Variants in ZNFX1 observed in about 807,000 individuals in gnomAD.
The protein encoded by ZNFX1 is NFX1-type zinc finger-containing protein 1.
Under a neutral mutation model 179.8 loss-of-function variants are expected in ZNFX1, and 78 were observed. The observed-to-expected ratio is 0.43, with a 90% CI of 0.36 to 0.52. The LOEUF is 0.52. Among genes scored for constraint, ZNFX1 ranks in the 20% least tolerant of loss-of-function variants. The pLI is 0.00. For synonymous variants in ZNFX1, 848 were observed against 868.5 expected (o/e 0.98, Z 0.42); for missense variants, 1,927 against 2,386.6 (o/e 0.81, Z 4.01).
In ZNFX1 at chr20:49,264,842, G is replaced by C; in HGVS notation, c.2025C>G (p.Thr675=). The C allele has an allele frequency of 6.2e-7, 1 of 1,614,134 alleles. No homozygotes were observed. Among genetic ancestry groups the C allele is most frequent in the South Asian group, 1.1e-5 (1 of 91,076 alleles). ...FLEGIYNCQK[T]SIVRVGGRSN... The stretch of plus-strand genomic sequence containing the variant: ...TCCTTCCACCCACCCGCACAATGCT[G>C]GTCTTCTGACAATTGTAGATGCCTG... The change falls in exon 5 of 14, where the codon ACC becomes ACG. Residue 675 remains threonine, a synonymous_variant. Coordinates refer to ENST00000396105, the MANE Select transcript of ZNFX1 (RefSeq NM_021035.3).
chr20:49,266,071 T>C, intron 4 of ZNFX1, 64 bp downstream of exon 4: 2 of 1,563,520 alleles, frequency 1.3e-6, no homozygotes, highest in Admixed American at 4.0e-5. Flanking sequence ...AGAAAGCTAC[T>C]GAAGTTGCTG....
chr20:49,276,558 C>T (rs912361714), intron 1 of ZNFX1, among the ~76,000 whole-genome samples: 1 of 152,224 alleles, frequency 6.6e-6, no homozygotes, highest in African/African-American at 2.4e-5. Flanking sequence ...CTTTCTTCCT[C>T]CTCATTCTTC....
chr20:49,263,158 C>T (rs1022473201), intron 6 of ZNFX1, among the ~76,000 whole-genome samples, 176 bp downstream of exon 6: 11 of 152,190 alleles, frequency 7.2e-5, no homozygotes, highest in Non-Finnish European at 1.0e-4. Flanking sequence ...CAGGCTGGTT[C>T]GAGTTTTGTT....
intron 13 of ZNFX1, 62 bp from the exon 14 acceptor site, chr20:49,249,773 T>C: frequency 6.5e-7 from 1 of 1,540,888 alleles, no homozygotes; most frequent in Non-Finnish European, 8.8e-7. Flanking sequence ...TTTTTCTTCC[T>C]CTCTTGACAT....
chr20:49,276,036 G>A (rs1601000321), intron 1 of ZNFX1, 149 bp from the exon 2 acceptor site: 1 of 550,410 alleles, frequency 1.8e-6, no homozygotes, highest in East Asian at 2.9e-5. Flanking sequence ...GAGCACAAGT[G>A]CTCGACTCTG....
chr20:49,272,180 C>CTTTT (rs72383185), intron 2 of ZNFX1, among the ~76,000 whole-genome samples: 1 of 140,856 alleles, frequency 7.1e-6, no homozygotes, highest in African/African-American at 2.6e-5. Context: ...TCAGTTTCTG[C>CTTTT]TTTTTTTTTT....
At chr20:49,254,335 T>C (rs966645892) in intron 10 of ZNFX1, among the ~76,000 whole-genome samples, 160 bp downstream of exon 10, 2 of 152,178 alleles carry the variant, frequency 1.3e-5, no homozygotes, top group African/African-American at 2.4e-5. Context: ...CGAAAGTGAG[T>C]GAATTTCACC....
intron 7 of ZNFX1, among the ~76,000 whole-genome samples, chr20:49,259,830 GTTGAC>G (rs1317442983): frequency 6.6e-6 from 1 of 152,166 alleles, no homozygotes; most frequent in Non-Finnish European, 1.5e-5. Context: ...CATTATCTGA[GTTGAC>G]TTAATTGATC....
chr20:49,270,969 T>C lies in ZNFX1; in HGVS notation c.843A>G (p.Arg281=). Residue 281 remains arginine (R), a synonymous_variant, in exon 3 of 14, where the codon AGA becomes AGG. Transcript: ENST00000396105. This position sits in a 1 kb window ranked among gnomAD's most constrained non-coding sequence, Gnocchi z 4.6. ...CCTCTTCTATGTCAACACCAGAGGC[T>C]CTCAGAGCATTAAGAGAGGTTGGCA... The part of the protein sequence containing the change: ...SLLPTSLNAL[R]ASGVDIEEET... 1 of 1,614,132 alleles carries C rather than the reference T, an allele frequency of 6.2e-7. No homozygotes were observed. The highest frequency in any genetic ancestry group is 1.1e-5 in the South Asian group (1 of 91,078).
chr20:49,270,987 G>A lies in ZNFX1; in HGVS notation c.825C>T (p.Thr275=). ...CAGAGGCTCTCAGAGCATTAAGAGA[G>A]GTTGGCAGGAGGGAAACCAGCATGG... ...ETSMLVSLLP[T]SLNALRASGV... Residue 275 remains threonine, a synonymous_variant, in exon 3 of 14, where the codon ACC becomes ACT. Coordinates refer to ENST00000396105, the MANE Select transcript of ZNFX1 (RefSeq NM_021035.3). The surrounding 1 kb of genome is among the most constrained non-coding windows in gnomAD (Gnocchi z 4.6). 6.2e-7 allele frequency: 1 copy of A among 1,614,156 alleles called. No homozygotes were observed. Among genetic ancestry groups the A allele is most frequent in the Non-Finnish European group, 8.5e-7 (1 of 1,180,030 alleles).
At chr20:49,273,258 G>C (rs975025799) in intron 2 of ZNFX1, among the ~76,000 whole-genome samples, 1 of 151,992 alleles carries the variant, frequency 6.6e-6, no homozygotes, top group Non-Finnish European at 1.5e-5. Flanking sequence ...TCAGCCTCCT[G>C]AGTAGCTGGG....
rs780493549 is a variant in ZNFX1, at chr20:49,249,328, T to G, written c.3696A>C (p.Gly1232=). The G allele has an allele frequency of 6.8e-6, 11 of 1,614,262 alleles. No individual in the cohort carries two copies. In the South Asian group the frequency reaches 1.1e-4, roughly 16 times the overall value. ...GCACCTTGGCCAGCATCTGCATGTTTCCGATGCAGTACATTCCCTTCTTGG... is the reference window on the plus strand; with the variant it reads ...GCACCTTGGCCAGCATCTGCATGTTGCCGATGCAGTACATTCCCTTCTTGG... The part of the protein sequence containing the change: ...SRAKKGMYCI[G]NMQMLAKVPL... The change falls in exon 14 of 14, where the codon GGA becomes GGC. Residue 1232 remains glycine (G), a synonymous_variant. Transcript: ENST00000396105.
At chr20:49,251,666 A>C in intron 12 of ZNFX1, 44 bp from the exon 13 acceptor site, 1 of 1,516,216 alleles carries the variant, frequency 6.6e-7, no homozygotes, top group Non-Finnish European at 9.0e-7. Flanking sequence ...GGCAGAGCAC[A>C]CACGGACAAT....
At chr20:49,262,225 GC>G (rs1159613932) in intron 6 of ZNFX1, among the ~76,000 whole-genome samples, 1 of 151,522 alleles carries the variant, frequency 6.6e-6, no homozygotes, top group Non-Finnish European at 1.5e-5. Flanking sequence ...GACCAGCCTG[GC>G]GAATGTGGTG....
chr20:49,252,146 CTTTT>C (rs201035414), intron 12 of ZNFX1, among the ~76,000 whole-genome samples: 1 of 131,830 alleles, frequency 7.6e-6, no homozygotes, highest in Admixed American at 7.8e-5. Context: ...TTTTTCTTTT[CTTTT>C]TTTTTTTTCT....
At chr20:49,275,500 C>A (rs1390873834) in intron 2 of ZNFX1, among the ~76,000 whole-genome samples, 2 of 152,114 alleles carry the variant, frequency 1.3e-5, no homozygotes, top group Non-Finnish European at 1.5e-5. Flanking sequence ...GGACTACAGG[C>A]ACGCAGCACC....
In ZNFX1 at chr20:49,248,846, T is replaced by A; in HGVS notation, c.4178A>T (p.Asp1393Val). The change falls in exon 14 of 14, where the codon GAC becomes GTC. Residue 1393 changes from aspartate (D) to valine (V), a missense_variant. Coordinates refer to ENST00000396105, the MANE Select transcript of ZNFX1 (RefSeq NM_021035.3). This position sits in a 1 kb window ranked among gnomAD's most constrained non-coding sequence, Gnocchi z 4.6. ...GHRCSHPCGE[D>V]CVQLCSEMVT... Reference sequence around the variant, plus strand: ...CATTTCTGAACACAGCTGCACACAGTCCTCACCACATGGGTGGCTGCATCT... The same window carrying A: ...CATTTCTGAACACAGCTGCACACAGACCTCACCACATGGGTGGCTGCATCT... The A allele has an allele frequency of 3.1e-6, 5 of 1,613,434 alleles. No homozygotes were observed. Among genetic ancestry groups the A allele is most frequent in the Non-Finnish European group, 4.2e-6 (5 of 1,179,354 alleles).
At position 49,248,112 on chromosome 20, in the gene ZNFX1, G is replaced by C; in HGVS notation, c.4912C>G (p.Gln1638Glu). ...KNLRYGTSIK[Q>E]RLEEIEIIKE... The stretch of plus-strand genomic sequence containing the variant: ...ATGATTTCAATCTCTTCTAGCCGCT[G>C]TTTTATGCTAGTTCCATACCTCAGG... Residue 1638 changes from glutamine to glutamate, a missense_variant, in exon 14 of 14, where the codon CAG becomes GAG. Physicochemically the swap from Gln to Glu is conservative, Grantham distance 29 (BLOSUM62 2). Transcript: ENST00000396105. This position sits in a 1 kb window ranked among gnomAD's most constrained non-coding sequence, Gnocchi z 4.6. 6.2e-7 allele frequency: 1 copy of C among 1,614,190 alleles called. No homozygotes were observed. Among genetic ancestry groups the C allele is most frequent in the Non-Finnish European group, 8.5e-7 (1 of 1,180,044 alleles).
rs751123737 is a variant in ZNFX1 at position 49,270,174 on chromosome 20, T to A, written c.1638A>T (p.Pro546=). Residue 546 remains proline, a synonymous_variant, in exon 3 of 14, where the codon CCA becomes CCT. Coordinates refer to ENST00000396105, the MANE Select transcript of ZNFX1 (RefSeq NM_021035.3). This position sits in a 1 kb window ranked among gnomAD's most constrained non-coding sequence, Gnocchi z 4.6. ...IVECNSHVKE[P]RYLLMGGRYD... Reference sequence around the variant, plus strand: ...ATCTGCCCCCCATTAGCAAGTACCTTGGCTCCTTCACATGAGAGTTACACT... The same window carrying A: ...ATCTGCCCCCCATTAGCAAGTACCTAGGCTCCTTCACATGAGAGTTACACT... The A allele has an allele frequency of 6.2e-7, 1 of 1,614,096 alleles. No individual in the cohort carries two copies. The highest frequency in any genetic ancestry group is 8.5e-7 in the Non-Finnish European group (1 of 1,180,016).
Sources: gnomAD v4.1 joint callset for allele counts (sites outside exome capture counted in the v4.1 genomes callset) on GRCh38, gnomAD v4.1.1 for gene constraint, Gnocchi (gnomAD v3.1) non-coding constraint, MANE v1.5 for transcripts, NCBI Gene and HGNC (gene_info 2026-07-23, HGNC 2026-07-21) for gene names.